TPCN1: variants seen among roughly 807,000 people sequenced by gnomAD.
The protein encoded by TPCN1 is two pore segment channel 1.
TPCN1 carries 52 observed loss-of-function variants against 108.8 expected under a neutral mutation model. That is an observed-to-expected ratio of 0.48 (90% CI 0.38 to 0.60). TPCN1 has a LOEUF of 0.60. Among genes scored for constraint, TPCN1 ranks in the 20% least tolerant of loss-of-function variants. The pLI is 0.00. For missense variants in TPCN1, 806 were observed against 1,072.8 expected, an observed-to-expected ratio of 0.75 and a Z score of 3.47; for synonymous variants, 446 against 433.7, an observed-to-expected ratio of 1.03 and a Z score of -0.35.
chr12:113,268,967 G>C lies in TPCN1; in HGVS notation c.659+95G>C. 1 of 1,426,106 alleles carries C rather than the reference G, an allele frequency of 7.0e-7. No homozygotes were observed. The highest frequency in any genetic ancestry group is 9.7e-7 in the Non-Finnish European group (1 of 1,026,720). 88.3% of individuals were successfully genotyped at this position (1,426,106 alleles called of 1,614,324 possible). On this transcript the variant is annotated intron_variant, in intron 6 of 27. Coordinates refer to ENST00000335509, the MANE Select transcript of TPCN1 (RefSeq NM_017901.6). This position sits in a 1 kb window ranked among gnomAD's most constrained non-coding sequence, Gnocchi z 7.3. The stretch of plus-strand genomic sequence containing the variant: ...GAGCTTGTGAGTCAGTTAGTGATGA[G>C]GTCGACCCTGCATGCTGGTGGAGTA...
At position 113,288,612 on chromosome 12, in the gene TPCN1, C is replaced by T. The variant is rs1373265607; in HGVS notation, c.1707-146C>T. ...TTCACCCCAGAGCTGCCCCACGAGG[C>T]CCCTTCCCCGCAGGCACTTTCCAGT... On this transcript the variant is annotated intron_variant, in intron 20 of 27. Coordinates refer to ENST00000335509, the MANE Select transcript of TPCN1 (RefSeq NM_017901.6). The surrounding 1 kb of genome is among the most constrained non-coding windows in gnomAD (Gnocchi z 4.8). 12 of 1,510,966 alleles carry T rather than the reference C, an allele frequency of 7.9e-6. No individual in the cohort carries two copies. The African/African-American group carries it at 1.1e-4, about 14-fold the overall frequency. The allele number at this position is 1,510,966 out of a possible 1,614,324, so 93.6% of individuals were successfully genotyped here.
intron 2 of TPCN1, among the ~76,000 whole-genome samples, chr12:113,228,051 A>G (rs1480028494): frequency 2.0e-5 from 3 of 152,206 alleles, no homozygotes; most frequent in African/African-American, 7.2e-5. Context: ...GGGATGAGAA[A>G]GCAGTGGCTC....
chr12:113,250,307 A>G (rs1279796196), intron 2 of TPCN1, among the ~76,000 whole-genome samples: 1 of 152,366 alleles, frequency 6.6e-6, no homozygotes, highest in South Asian at 2.1e-4. Context: ...TTCTGAAGCC[A>G]TCTGCACCCA....
At chr12:113,244,174 G>A in intron 2 of TPCN1, 1 of 345,626 alleles carries the variant, frequency 2.9e-6, no homozygotes, top group Non-Finnish European at 4.1e-6. Context: ...GAGACACAGG[G>A]CATTATCCTG....
intron 2 of TPCN1, among the ~76,000 whole-genome samples, chr12:113,240,200 T>C (rs1051676888): frequency 3.9e-5 from 6 of 152,158 alleles, no homozygotes; most frequent in Non-Finnish European, 7.4e-5. Flanking sequence ...CCCATTTGAT[T>C]TTGTTGCATG....
chr12:113,293,911 C>T (rs1395340938), intron 27 of TPCN1, among the ~76,000 whole-genome samples: 1 of 152,206 alleles, frequency 6.6e-6, no homozygotes, highest in African/African-American at 2.4e-5. Flanking sequence ...GATCTAGGCT[C>T]ACTGCAACCT....
intron 2 of TPCN1, among the ~76,000 whole-genome samples, chr12:113,257,890 C>CA (rs963425675): frequency 6.8e-5 from 10 of 147,878 alleles, no homozygotes; most frequent in Non-Finnish European, 9.0e-5. Flanking sequence ...AGAATCCAAG[C>CA]AAAAAAAAAG....
intron 3 of TPCN1, among the ~76,000 whole-genome samples, chr12:113,262,013 G>A (rs1358801835): frequency 2.8e-4 from 42 of 152,090 alleles, no homozygotes; most frequent in Non-Finnish European, 8.8e-5. Flanking sequence ...CCCCACTGGC[G>A]GTGACATTTT....
Position 113,296,021 on chromosome 12 carries a change from C to T in TPCN1, c.2396C>T (p.Ala799Val). ...CAGCGACAACTCAGCAGCAGTGCAG[C>T]CCCCGCCGCCCAGCAGCCCCCAGGC... ...EQQRQLSSSAAPAAQQPPGSR... is the reference protein window; with the variant it reads ...EQQRQLSSSAVPAAQQPPGSR... The change falls in exon 28 of 28, where the codon GCC becomes GTC. Residue 799 changes from alanine to valine, a missense_variant. Transcript: ENST00000335509. 5.0e-6 allele frequency: 8 copies of T among 1,613,102 alleles called. No individual in the cohort carries two copies. Among genetic ancestry groups the T allele is most frequent in the Non-Finnish European group, 5.9e-6 (7 of 1,179,786 alleles).
At chr12:113,286,349 G>A (rs934446505) in intron 18 of TPCN1, among the ~76,000 whole-genome samples, 4 of 135,296 alleles carry the variant, frequency 3.0e-5, no homozygotes, top group South Asian at 4.7e-4. Flanking sequence ...TCCCCAGAGC[G>A]TTGGAGGTCA....
intron 2 of TPCN1, among the ~76,000 whole-genome samples, chr12:113,229,460 G>A (rs1000041427): frequency 2.0e-5 from 3 of 152,154 alleles, no homozygotes; most frequent in Admixed American, 6.5e-5. Context: ...CTACCCCAGC[G>A]TCCCCCTGTC....
At position 113,290,180 on chromosome 12, in the gene TPCN1, A is replaced by G. The variant is rs1250485959; in HGVS notation, c.1849A>G (p.Arg617Gly). Residue 617 changes from arginine (R) to glycine (G), a missense_variant, in exon 22 of 28, where the codon AGG (arginine) becomes GGG (glycine). Physicochemically the swap from Arg to Gly is moderately radical, Grantham distance 125. Coordinates refer to ENST00000335509, the MANE Select transcript of TPCN1 (RefSeq NM_017901.6). ...CTGGCGCAACCACACCGTGGGCAAC[A>G]GGACCGTGGTGGAGGAAGGCTACTA... ...YRWRNHTVGN[R>G]TVVEEGYYYL... 2 of 1,608,046 alleles carry G rather than the reference A, an allele frequency of 1.2e-6. No individual in the cohort carries two copies. The highest frequency in any genetic ancestry group is 1.7e-6 in the Non-Finnish European group (2 of 1,177,012).
intron 2 of TPCN1, among the ~76,000 whole-genome samples, chr12:113,259,070 A>G (rs1954923384): frequency 6.7e-6 from 1 of 149,648 alleles, no homozygotes; most frequent in South Asian, 2.1e-4. Flanking sequence ...TCCGCCTCCC[A>G]GGTTCAAGTG....
intron 10 of TPCN1, 147 bp from the exon 11 acceptor site, chr12:113,276,772 A>G (rs890628270): frequency 9.2e-6 from 6 of 651,106 alleles, no homozygotes; most frequent in Admixed American, 2.5e-5. Context: ...TTCCTACCCC[A>G]TGAGGTGCAG....
At chr12:113,277,390 A>G (rs1487185285) in intron 12 of TPCN1, 26 bp downstream of exon 12, 10 of 1,613,644 alleles carry the variant, frequency 6.2e-6, no homozygotes, top group Middle Eastern at 3.3e-4. Context: ...TGGTAGGGGC[A>G]GCATGGCCAG....
rs1412087857 is a variant in TPCN1, at chr12:113,273,179, T to C, written c.784-53T>C. On this transcript the variant is annotated intron_variant, in intron 8 of 27. Transcript: ENST00000335509. The surrounding 1 kb of genome is among the most constrained non-coding windows in gnomAD (Gnocchi z 4.0). ...GTGGCCCATCACAGCCTGTTCCTGA[T>C]GGCCGTGTGCTCTTGGCTGGTCCCG... 10 of 1,558,290 alleles carry C rather than the reference T, an allele frequency of 6.4e-6. No homozygotes were observed. The highest frequency in any genetic ancestry group is 8.9e-6 in the Non-Finnish European group (10 of 1,129,284).
intron 2 of TPCN1, among the ~76,000 whole-genome samples, chr12:113,245,462 G>T (rs1336320056): frequency 2.1e-4 from 30 of 143,954 alleles, no homozygotes; most frequent in African/African-American, 7.4e-4. Context: ...TTAGCCGGGC[G>T]TGGTAGCGGG....
Position 113,296,277 on chromosome 12 carries a change from G to A in TPCN1, c.*201G>A. The A allele has an allele frequency of 1.2e-6, 1 of 801,768 alleles. No individual in the cohort carries two copies. Among genetic ancestry groups the A allele is most frequent in the Admixed American group, 2.9e-5 (1 of 34,104 alleles). The allele number at this position is 801,768 out of a possible 1,614,324, so 49.7% of individuals were successfully genotyped here. On this transcript the variant is annotated 3_prime_UTR_variant, in exon 28 of 28. Coordinates refer to ENST00000335509, the MANE Select transcript of TPCN1 (RefSeq NM_017901.6). ...TAACTCCAGAAGCCAGTTTGGTGAG[G>A]GGTGGGGGTGCGGCCACCAGGTCTG...
At chr12:113,282,762 G>GA (rs529205360) in intron 15 of TPCN1, among the ~76,000 whole-genome samples, 16 of 146,604 alleles carry the variant, frequency 1.1e-4, no homozygotes, top group East Asian at 8.2e-4. Flanking sequence ...CCTATCTCAA[G>GA]AAAAAAAAAC....
Sources: gnomAD v4.1 joint callset for allele counts (sites outside exome capture counted in the v4.1 genomes callset) on GRCh38, gnomAD v4.1.1 for gene constraint, Gnocchi (gnomAD v3.1) non-coding constraint, MANE v1.5 for transcripts, NCBI Gene and HGNC (gene_info 2026-07-23, HGNC 2026-07-21) for gene names.